Variants in PHACTR2 observed in about 807,000 individuals in gnomAD.
The protein encoded by PHACTR2 is chromosome 6 open reading frame 56.
PHACTR2 carries 30 observed loss-of-function variants against 76.0 expected under a neutral mutation model. The ratio of observed to expected loss-of-function variants is 0.39; its 90% CI spans 0.30 to 0.54. The LOEUF (loss-of-function observed/expected upper bound fraction) is 0.54, where lower values mean the gene tolerates loss of function less well. PHACTR2 is among the 20% of genes least tolerant of loss of function. The pLI, the probability that PHACTR2 is intolerant of heterozygous loss-of-function variation, is 0.61. For synonymous variants in PHACTR2, 292 were observed against 292.5 expected, an observed-to-expected ratio of 1.00 and a Z score of 0.02; for missense variants, 696 against 781.1, an observed-to-expected ratio of 0.89 and a Z score of 1.30.
intron 1 of PHACTR2, among the ~76,000 whole-genome samples, chr6:143,687,287 C>A (rs987439364): frequency 6.6e-6 from 1 of 152,120 alleles, no homozygotes; most frequent in Admixed American, 6.5e-5. Context: ...GCAAGTCACA[C>A]GTCACCTCTT....
rs538310436 is a variant in PHACTR2, at chr6:143,724,057, G to C, written c.214+11874G>C. Among the ~76,000 whole-genome samples, 13 of 151,772 alleles carry C rather than the reference G, an allele frequency of 8.6e-5. No homozygotes were observed. The South Asian group carries it at 2.5e-3, about 29-fold the overall frequency. On this transcript the variant is annotated intron_variant, in intron 2 of 12. Coordinates refer to ENST00000440869, the MANE Select transcript of PHACTR2 (RefSeq NM_001100164.2). Reference sequence around the variant, plus strand: ...AGCTCACTGCAGCCTCTGCCTCCCAGGTTCAAGCGATTGTCCTGCCTCAGC... The same window carrying C: ...AGCTCACTGCAGCCTCTGCCTCCCACGTTCAAGCGATTGTCCTGCCTCAGC...
At position 143,656,217 on chromosome 6, in the gene PHACTR2, C is replaced by T. The variant is rs1459270670; in HGVS notation, c.13+47895C>T. On this transcript the variant is annotated intron_variant, in intron 1 of 11. Coordinates refer to the PHACTR2 transcript ENST00000305766. The surrounding 1 kb of genome is among the most constrained non-coding windows in gnomAD (Gnocchi z 5.3). Reference sequence around the variant, plus strand: ...GGATATGGGGTCAGTCCATTCCTGTCCAGACCAGGGACTTCCTCTGACCTT... The same window carrying T: ...GGATATGGGGTCAGTCCATTCCTGTTCAGACCAGGGACTTCCTCTGACCTT... Among the ~76,000 whole-genome samples, 1 of 152,148 alleles carries T rather than the reference C, an allele frequency of 6.6e-6. No homozygotes were observed. Among genetic ancestry groups the T allele is most frequent in the South Asian group, 2.1e-4 (1 of 4,834 alleles).
intron 5 of PHACTR2, among the ~76,000 whole-genome samples, chr6:143,762,118 A>AC (rs1465708417): frequency 1.3e-5 from 2 of 151,784 alleles, no homozygotes; most frequent in Non-Finnish European, 2.9e-5. Context: ...TTCCTAGAAA[A>AC]CCCTAGAAGC....
chr6:143,626,428 T>C (rs1480937607), intron 1 of PHACTR2, among the ~76,000 whole-genome samples: 1 of 151,582 alleles, frequency 6.6e-6, no homozygotes, highest in African/African-American at 2.4e-5. Context: ...TCCCAGGTAC[T>C]CCGGAGGCTG....
At position 143,599,969 on chromosome 6, in the gene PHACTR2, C is replaced by G. The variant is rs1427346668; in HGVS notation, c.217+62762C>G. Among the ~76,000 whole-genome samples the G allele has an allele frequency of 2.0e-5, 3 of 152,342 alleles. No homozygotes were observed. In the South Asian group the frequency reaches 6.2e-4, roughly 32 times the overall value. On this transcript the variant is annotated intron_variant, in intron 1 of 11. Transcript: ENST00000367584. The surrounding 1 kb of genome is among the most constrained non-coding windows in gnomAD (Gnocchi z 4.6). ...TCAAGGTTTGGCCTGGCCAAATGAT[C>G]ATGTCAGTGAGCTGGATTTGATTAG...
chr6:143,648,261 A>T lies in PHACTR2; in HGVS notation c.13+39939A>T, dbSNP rs1776693503. On this transcript the variant is annotated intron_variant, in intron 1 of 11. Transcript: ENST00000305766. The surrounding 1 kb of genome is among the most constrained non-coding windows in gnomAD (Gnocchi z 6.7). ...GTCTGAGAAGGGCAGGGCCTAGGAA[A>T]CATGGTGGAAGTTTTGAGATAAAAA... Among the ~76,000 whole-genome samples, 1 of 152,236 alleles carries T rather than the reference A, an allele frequency of 6.6e-6. No homozygotes were observed. The highest frequency in any genetic ancestry group is 1.5e-5 in the Non-Finnish European group (1 of 68,054).
rs56155115 is a variant in PHACTR2, at chr6:143,588,012, CTAAAATAAAA to C, written c.217+50838_217+50847del. 7.7e-3 allele frequency among the ~76,000 whole-genome samples: 1,055 copies of C among 137,740 alleles called. 11 individuals carry two copies. The highest frequency in any genetic ancestry group is 0.023 in the African/African-American group (871 of 37,332). The allele number at this position is 137,740 out of a possible 152,430, so 90.4% of individuals were successfully genotyped here. A position where few individuals can be genotyped will look rare whatever the true frequency, so the allele number is the denominator to read the frequency against. ...TGGCAACAAGAGTGAAACTCTGTCT[CTAAAATAAAA>C]TAAAATAAAATAAAATAAAATAAAA... On this transcript the variant is annotated intron_variant, in intron 1 of 11. Coordinates refer to the PHACTR2 transcript ENST00000367584.
rs535651616 is a variant in PHACTR2 at position 143,652,858 on chromosome 6, C to T, written c.13+44536C>T. Among the ~76,000 whole-genome samples the T allele has an allele frequency of 2.0e-5, 3 of 152,342 alleles. No homozygotes were observed. Among genetic ancestry groups the T allele is most frequent in the East Asian group, 3.9e-4 (2 of 5,188 alleles). Reference sequence around the variant, plus strand: ...GTCACAGCTTTATGAAATTCAGTCACTTTGTAGCAGCCACTCTAAGGAGGA... The same window carrying T: ...GTCACAGCTTTATGAAATTCAGTCATTTTGTAGCAGCCACTCTAAGGAGGA... On this transcript the variant is annotated intron_variant, in intron 1 of 11. Transcript: ENST00000305766. This position sits in a 1 kb window ranked among gnomAD's most constrained non-coding sequence, Gnocchi z 4.5.
intron 1 of PHACTR2, among the ~76,000 whole-genome samples, chr6:143,628,668 T>C (rs1019699986): frequency 2.6e-5 from 4 of 151,958 alleles, no homozygotes; most frequent in African/African-American, 9.7e-5. Flanking sequence ...AATTTAATCA[T>C]GTCTGCAAAG....
chr6:143,721,156 G>A (rs1308866298), intron 2 of PHACTR2, among the ~76,000 whole-genome samples: 1 of 152,130 alleles, frequency 6.6e-6, no homozygotes, highest in Non-Finnish European at 1.5e-5. Context: ...GTTTTCTGGT[G>A]GACACAGTAT....
At chr6:143,719,390 G>A (rs1233800647) in intron 2 of PHACTR2, among the ~76,000 whole-genome samples, 2 of 112,124 alleles carry the variant, frequency 1.8e-5, no homozygotes, top group African/African-American at 7.3e-5. Flanking sequence ...TCTCACTCTC[G>A]CCCAGGCTGG....
chr6:143,551,896 A>G (rs557125858), intron 1 of PHACTR2, among the ~76,000 whole-genome samples: 143 of 152,336 alleles, frequency 9.4e-4, no homozygotes, highest in Middle Eastern at 6.8e-3. Flanking sequence ...GTGACCATTT[A>G]TTATTGCCTT....
rs79491582 is a variant in PHACTR2, at chr6:143,671,253, A to C, written c.14-40763A>C. ...GCCCAAAGTCTTTATAGTTAACTGC[A>C]AGGTCCTATGTGGTTATAATCTCCT... On this transcript the variant is annotated intron_variant, in intron 1 of 11. Coordinates refer to the PHACTR2 transcript ENST00000305766. This position sits in a 1 kb window ranked among gnomAD's most constrained non-coding sequence, Gnocchi z 4.6. 0.011 allele frequency among the ~76,000 whole-genome samples: 1,675 copies of C among 152,156 alleles called. 35 individuals are homozygous for C. Among genetic ancestry groups the C allele is most frequent in the African/African-American group, 0.038 (1,577 of 41,504 alleles).
intron 1 of PHACTR2, among the ~76,000 whole-genome samples, chr6:143,631,793 C>T (rs1236993888): frequency 2.0e-5 from 3 of 152,092 alleles, no homozygotes; most frequent in Admixed American, 1.3e-4. Context: ...AAAGTGGACA[C>T]ACTCTAGAAA....
At chr6:143,747,828 G>A (rs529487351) in intron 2 of PHACTR2, among the ~76,000 whole-genome samples, 1 of 152,296 alleles carries the variant, frequency 6.6e-6, no homozygotes, top group South Asian at 2.1e-4. Context: ...ATGACCACAT[G>A]TTAATTTTAC....
At chr6:143,594,106 G>A (rs772782865) in intron 1 of PHACTR2, among the ~76,000 whole-genome samples, 5 of 152,182 alleles carry the variant, frequency 3.3e-5, no homozygotes, top group Non-Finnish European at 5.9e-5. Flanking sequence ...ATTGTTTTCT[G>A]ATGGTTCAAT....
At chr6:143,694,200 G>A (rs1777719166) in intron 1 of PHACTR2, among the ~76,000 whole-genome samples, 1 of 149,640 alleles carries the variant, frequency 6.7e-6, no homozygotes, top group African/African-American at 2.5e-5. Context: ...AGGGAGGAAA[G>A]GAAGGAGGAA....
In PHACTR2 at chr6:143,824,259, C is replaced by T. The variant is rs973478336; in HGVS notation, c.*570C>T. ...TTGATCGGAGAATACTCTTGTTTCA[C>T]CATTATGTTGGTACAGTATAGTACC... On this transcript the variant is annotated 3_prime_UTR_variant, in exon 13 of 13. Transcript: ENST00000440869. This position sits in a 1 kb window ranked among gnomAD's most constrained non-coding sequence, Gnocchi z 6.3. 2 of 156,098 alleles carry T rather than the reference C, an allele frequency of 1.3e-5. No individual in the cohort carries two copies. The highest frequency in any genetic ancestry group is 4.8e-5 in the African/African-American group (2 of 41,580). 9.7% of individuals were successfully genotyped at this position (156,098 alleles called of 1,614,324 possible). A position where few individuals can be genotyped will look rare whatever the true frequency, so the allele number is the denominator to read the frequency against.
rs983473586 is a variant in PHACTR2, at chr6:143,589,349, G to A, written c.217+52142G>A. On this transcript the variant is annotated intron_variant, in intron 1 of 11. Transcript: ENST00000367584. This position sits in a 1 kb window ranked among gnomAD's most constrained non-coding sequence, Gnocchi z 4.4. The stretch of plus-strand genomic sequence containing the variant: ...GATATCTGGTTGTTTAAAAGTGTGG[G>A]GCACCTCACCCTTTGCTCTCTTCCT... 4.6e-5 allele frequency among the ~76,000 whole-genome samples: 7 copies of A among 152,032 alleles called. No individual in the cohort carries two copies. Among genetic ancestry groups the A allele is most frequent in the South Asian group, 2.1e-4 (1 of 4,826 alleles).
Sources: allele counts gnomAD v4.1 joint callset (sites outside exome capture counted in the v4.1 genomes callset), GRCh38; gene constraint gnomAD v4.1.1; non-coding constraint Gnocchi (gnomAD v3.1); transcripts MANE v1.5; gene names NCBI Gene and HGNC (gene_info 2026-07-23, HGNC 2026-07-21).